Variants in ADCY9 observed in about 807,000 individuals in gnomAD.
The protein encoded by ADCY9 is adenylate cyclase type 9.
In ADCY9, 50 loss-of-function variants were observed where a neutral mutation model predicts 101.5. The ratio of observed to expected loss-of-function variants is 0.49; its 90% CI spans 0.39 to 0.62. The LOEUF (loss-of-function observed/expected upper bound fraction) is 0.62, where lower values mean the gene tolerates loss of function less well. Ranked by LOEUF, ADCY9 falls within the 20% of genes least tolerant of loss-of-function variation. The pLI, the probability that ADCY9 is intolerant of heterozygous loss-of-function variation, is 0.00. For synonymous variants in ADCY9, 905 were observed against 769.3 expected, an observed-to-expected ratio of 1.18 and a Z score of -2.92; for missense variants, 1,662 against 1,800.4, an observed-to-expected ratio of 0.92 and a Z score of 1.39.
At position 3,966,228 on chromosome 16, in the gene ADCY9, C is replaced by T; in HGVS notation, c.3609G>A (p.Glu1203=). Residue 1203 remains glutamate, a synonymous_variant, in exon 11 of 11, where the codon GAG becomes GAA. Coordinates refer to ENST00000294016, the MANE Select transcript of ADCY9 (RefSeq NM_001116.4). ...IASRMDTTGV[E]CRIQVSEESY... is the part of the protein sequence containing the mutation. ...TCTCTTCGCTCACCTGGATGCGGCA[C>T]TCCACGCCGGTGGTGTCCATCCTGC... 1.2e-6 allele frequency: 2 copies of T among 1,614,248 alleles called. No homozygotes were observed. The highest frequency in any genetic ancestry group is 2.2e-5 in the East Asian group (1 of 44,884).
rs149575819 is a variant in ADCY9, at chr16:4,115,296, G to A, written c.147C>T (p.Ser49=). The A allele has an allele frequency of 3.5e-4, 558 of 1,613,876 alleles. 1 individual carries two copies. The African/African-American group carries it at 6.6e-3, about 19-fold the overall frequency. Residue 49 remains serine, a synonymous_variant, in exon 2 of 11, where the codon AGC becomes AGT. Coordinates refer to ENST00000294016, the MANE Select transcript of ADCY9 (RefSeq NM_001116.4). This position sits in a 1 kb window ranked among gnomAD's most constrained non-coding sequence, Gnocchi z 6.2. ...SNSHPKHCKY[S]ISSSCSSSGD... ...CAGAGCTGCTGCAGCTAGAGGAGATGCTGTATTTGCAGTGCTTGGGGTGGC... is the reference window on the plus strand; with the variant it reads ...CAGAGCTGCTGCAGCTAGAGGAGATACTGTATTTGCAGTGCTTGGGGTGGC...
rs146289646 is a variant in ADCY9 at position 4,105,887 on chromosome 16, C to A, written c.1693+7863G>T. On this transcript the variant is annotated intron_variant, in intron 2 of 10. Coordinates refer to ENST00000294016, the MANE Select transcript of ADCY9 (RefSeq NM_001116.4). ...AAACCTACAGAAACAACAATTTCTACTGGATTAGAGGAAGGCATATAAGCT... is the reference window on the plus strand; with the variant it reads ...AAACCTACAGAAACAACAATTTCTAATGGATTAGAGGAAGGCATATAAGCT... Among the ~76,000 whole-genome samples, 38 of 152,180 alleles carry A rather than the reference C, an allele frequency of 2.5e-4. No individual in the cohort carries two copies. In the East Asian group the frequency reaches 2.5e-3, roughly 10 times the overall value.
intron 2 of ADCY9, among the ~76,000 whole-genome samples, chr16:4,099,720 T>A (rs758781797): frequency 6.6e-6 from 1 of 152,270 alleles, no homozygotes; most frequent in South Asian, 2.1e-4. Flanking sequence ...CAAGAGTTTA[T>A]ATTGATTCTT....
intron 2 of ADCY9, among the ~76,000 whole-genome samples, chr16:4,013,382 T>C (rs1311427152): frequency 6.6e-6 from 1 of 151,826 alleles, no homozygotes; most frequent in Admixed American, 6.6e-5. Flanking sequence ...GATCGTGCCA[T>C]TGCACTTCAG....
Position 3,965,101 on chromosome 16 carries a change from C to G in ADCY9, c.*674G>C. 1 of 152,762 alleles carries G rather than the reference C, an allele frequency of 6.5e-6. No individual in the cohort carries two copies. Among genetic ancestry groups the G allele is most frequent in the East Asian group, 1.9e-4 (1 of 5,176 alleles). 9.5% of individuals were successfully genotyped at this position (152,762 alleles called of 1,614,324 possible). ...TGGCCTGCATGCATGTGGGCGAGCC[C>G]CTAAACCCGCTCAGTGCAGGGAGCG... is the stretch of plus-strand genomic sequence containing the variant. On this transcript the variant is annotated 3_prime_UTR_variant, in exon 11 of 11. Transcript: ENST00000294016.
At chr16:3,991,489 A>C (rs1029530377) in intron 5 of ADCY9, among the ~76,000 whole-genome samples, 2 of 152,096 alleles carry the variant, frequency 1.3e-5, no homozygotes, top group Admixed American at 6.6e-5. Context: ...TAGGCCAGGC[A>C]CAGGCTCACA....
At chr16:4,059,036 T>G (rs1263003484) in intron 2 of ADCY9, among the ~76,000 whole-genome samples, 1 of 152,072 alleles carries the variant, frequency 6.6e-6, no homozygotes, top group Non-Finnish European at 1.5e-5. Context: ...TCATTTCCAT[T>G]TTATACATTT....
intron 2 of ADCY9, among the ~76,000 whole-genome samples, chr16:4,077,470 C>A (rs530196038): frequency 2.0e-5 from 3 of 152,196 alleles, no homozygotes; most frequent in Admixed American, 6.6e-5. Flanking sequence ...TTATTTCCTG[C>A]ACATTACATC....
At chr16:4,004,462 G>A (rs1459927987) in intron 3 of ADCY9, among the ~76,000 whole-genome samples, 1 of 152,114 alleles carries the variant, frequency 6.6e-6, no homozygotes, top group Non-Finnish European at 1.5e-5. Context: ...ACATGCTAAG[G>A]GCAGGAAATA....
chr16:4,068,867 C>T (rs951998559), intron 2 of ADCY9, among the ~76,000 whole-genome samples: 3 of 151,014 alleles, frequency 2.0e-5, no homozygotes, highest in African/African-American at 4.9e-5. Flanking sequence ...TATGGGTACA[C>T]GCAGATCTAT....
At chr16:3,975,235 C>T (rs889529446) in intron 9 of ADCY9, among the ~76,000 whole-genome samples, 2 of 152,138 alleles carry the variant, frequency 1.3e-5, no homozygotes, top group African/African-American at 2.4e-5. Context: ...AAGAGCTCAT[C>T]GTGACCATCG....
At position 4,062,590 on chromosome 16, in the gene ADCY9, G is replaced by A. The variant is rs118148418; in HGVS notation, c.1693+51160C>T. Among the ~76,000 whole-genome samples, 24 of 152,244 alleles carry A rather than the reference G, an allele frequency of 1.6e-4. No homozygotes were observed. The East Asian group carries it at 2.3e-3, about 15-fold the overall frequency. On this transcript the variant is annotated intron_variant, in intron 2 of 10. Coordinates refer to ENST00000294016, the MANE Select transcript of ADCY9 (RefSeq NM_001116.4). ...GTAAGTATGGGAGGCTGTGGCAGGT[G>A]GATTGCTTGAGTACAGGAATTCAAG...
intron 2 of ADCY9, among the ~76,000 whole-genome samples, chr16:4,096,901 A>G (rs2057007164): frequency 6.6e-6 from 1 of 152,152 alleles, no homozygotes; most frequent in Non-Finnish European, 1.5e-5. Context: ...GGGAAAAAAA[A>G]AAGAACAGAT....
chr16:3,974,148 T>C (rs1266233767), intron 10 of ADCY9, among the ~76,000 whole-genome samples: 1 of 152,032 alleles, frequency 6.6e-6, no homozygotes, highest in Non-Finnish European at 1.5e-5. Context: ...TTCACGCCAT[T>C]CTCCCGCCTC....
intron 2 of ADCY9, among the ~76,000 whole-genome samples, chr16:4,041,909 C>A (rs2056629561): frequency 6.8e-6 from 1 of 146,826 alleles, no homozygotes; most frequent in Admixed American, 7.2e-5. Context: ...GTGCCACTGC[C>A]CCCAGCTAAG....
intron 3 of ADCY9, among the ~76,000 whole-genome samples, chr16:4,001,666 A>C (rs2056331630): frequency 1.3e-5 from 2 of 151,802 alleles, no homozygotes; most frequent in African/African-American, 4.8e-5. Context: ...CTCCCACCTC[A>C]GCCTCCCAGG....
At chr16:4,033,961 T>C (rs866067401) in intron 2 of ADCY9, among the ~76,000 whole-genome samples, 2 of 152,220 alleles carry the variant, frequency 1.3e-5, no homozygotes, top group Admixed American at 6.5e-5. Context: ...AAAAATTCTA[T>C]TATTATTTGC....
At chr16:3,972,628 G>A (rs2056062327) in intron 10 of ADCY9, among the ~76,000 whole-genome samples, 1 of 152,200 alleles carries the variant, frequency 6.6e-6, no homozygotes, top group South Asian at 2.1e-4. Flanking sequence ...TTATCATGGA[G>A]AAGAGGGATT....
At chr16:4,027,989 C>T (rs961337945) in intron 2 of ADCY9, among the ~76,000 whole-genome samples, 16 of 152,150 alleles carry the variant, frequency 1.1e-4, no homozygotes, top group African/African-American at 3.6e-4. Context: ...CCACTGGGTC[C>T]CTCCCACAAC....
Sources: gnomAD v4.1 joint callset for allele counts (sites outside exome capture counted in the v4.1 genomes callset) on GRCh38, gnomAD v4.1.1 for gene constraint, Gnocchi (gnomAD v3.1) non-coding constraint, MANE v1.5 for transcripts, NCBI Gene and HGNC (gene_info 2026-07-23, HGNC 2026-07-21) for gene names.